Variants in GFM1 observed in about 807,000 individuals in gnomAD.
GFM1 encodes G elongation factor mitochondrial 1.
A neutral mutation model predicts 96.2 loss-of-function variants in GFM1; 62 were observed. The observed-to-expected ratio is 0.64, with a 90% confidence interval of 0.53 to 0.80. The LOEUF (loss-of-function observed/expected upper bound fraction) is 0.80. Ranked by LOEUF, GFM1 falls within the 30% of genes least tolerant of loss-of-function variation. The probability of loss-of-function intolerance (pLI) is 0.00; values close to 1 mark genes in which losing one functional copy is unlikely to be tolerated. For missense variants in GFM1, 852 were observed against 916.6 expected, an observed-to-expected ratio of 0.93 and a Z score of 0.91; for synonymous variants, 282 against 312.9, an observed-to-expected ratio of 0.90 and a Z score of 1.04.
In GFM1 at chr3:158,658,922, G is replaced by T; in HGVS notation, c.1084G>T (p.Val362Leu). ...PFVGLAFKLEVGRFGQLTYVR... is the reference protein window; with the variant it reads ...PFVGLAFKLELGRFGQLTYVR... ...GCCCTTACCCAATCTTGACTTCTAG[G>T]TAGGTCGATTTGGACAATTAACTTA... Residue 362 changes from valine (V) to leucine (L), a missense_variant and splice_region_variant, in exon 9 of 18, where the codon GTA becomes TTA. By Grantham distance (32) the Val-to-Leu change is conservative. Transcript: ENST00000486715. The T allele has an allele frequency of 6.2e-7, 1 of 1,614,066 alleles. No homozygotes were observed. Among genetic ancestry groups the T allele is most frequent in the Non-Finnish European group, 8.5e-7 (1 of 1,179,984 alleles).
chr3:158,688,155 A>AT (rs1446645447), intron 15 of GFM1, among the ~76,000 whole-genome samples: 1 of 152,194 alleles, frequency 6.6e-6, no homozygotes, highest in African/African-American at 2.4e-5. Flanking sequence ...TTTGAGCCTA[A>AT]TTTTAAATGT....
intron 15 of GFM1, among the ~76,000 whole-genome samples, chr3:158,686,729 T>G (rs1187907456): frequency 1.4e-5 from 2 of 138,542 alleles, no homozygotes; most frequent in African/African-American, 5.5e-5. Flanking sequence ...AGGTTTTTTT[T>G]TTTTTTTTTT....
chr3:158,661,706 TAAAGAA>T (rs535663188), intron 10 of GFM1, among the ~76,000 whole-genome samples: 131 of 152,228 alleles, frequency 8.6e-4, no homozygotes, highest in African/African-American at 2.9e-3. Flanking sequence ...ATGAATTCAG[TAAAGAA>T]AGAGTATGAT....
rs1184953103 is a variant in GFM1 at position 158,691,823 on chromosome 3, G to A, written c.*356G>A. On this transcript the variant is annotated 3_prime_UTR_variant, in exon 18 of 18. Transcript: ENST00000486715. ...CATTTCCAAATTTTGTATCATAAGA[G>A]TTTTCAACATAGAGAAAAGCTGAAA... 3 of 206,396 alleles carry A rather than the reference G, an allele frequency of 1.5e-5. No homozygotes were observed. The highest frequency in any genetic ancestry group is 7.4e-5 in the South Asian group (1 of 13,466). 12.8% of individuals were successfully genotyped at this position (206,396 alleles called of 1,614,324 possible). A position where few individuals can be genotyped will look rare whatever the true frequency, so the allele number is the denominator to read the frequency against.
intron 13 of GFM1, among the ~76,000 whole-genome samples, chr3:158,676,623 A>C (rs992348547): frequency 6.6e-6 from 1 of 152,114 alleles, no homozygotes; most frequent in Admixed American, 6.5e-5. Flanking sequence ...TGTGTTTCAC[A>C]GATAGTATGT....
At position 158,664,603 on chromosome 3, in the gene GFM1, A is replaced by T. The variant is rs183514237; in HGVS notation, c.1381-734A>T. Among the ~76,000 whole-genome samples the T allele has an allele frequency of 2.0e-3, 298 of 152,198 alleles. 5 individuals carry two copies. The highest frequency in any genetic ancestry group is 0.019 in the Admixed American group (284 of 15,268). On this transcript the variant is annotated intron_variant, in intron 11 of 17. Transcript: ENST00000486715. ...CTCCTGCCACTTCTTCCTTCATGGA[A>T]TCCCTCTGACCCCCCCTTCTAGCTT... is the stretch of plus-strand genomic sequence containing the variant.
chr3:158,645,351 G>A (rs1721684849), intron 1 of GFM1, among the ~76,000 whole-genome samples: 1 of 152,146 alleles, frequency 6.6e-6, no homozygotes, highest in Admixed American at 6.6e-5. Flanking sequence ...GCCCCAGTGT[G>A]TATTTTCAAA....
At chr3:158,666,748 C>G in intron 13 of GFM1, 1 of 1,609,796 alleles carries the variant, frequency 6.2e-7, no homozygotes, top group Non-Finnish European at 8.5e-7. Context: ...TAATCTCCTG[C>G]AAGTGAAGAA....
chr3:158,684,973 A>T, intron 15 of GFM1: 1 of 257,590 alleles, frequency 3.9e-6, no homozygotes. Flanking sequence ...GAATTCTAGG[A>T]AATTTTTAAA....
At chr3:158,683,213 C>T (rs1428449837) in intron 14 of GFM1, among the ~76,000 whole-genome samples, 1 of 152,140 alleles carries the variant, frequency 6.6e-6, no homozygotes, top group Non-Finnish European at 1.5e-5. Context: ...GTGATTCACA[C>T]ACTTTAAATT....
Position 158,693,651 on chromosome 3 carries a change from G to A in GFM1, c.*2184G>A, listed in dbSNP as rs1393558079. 6.6e-6 allele frequency: 1 copy of A among 152,178 alleles called. No individual in the cohort carries two copies. The highest frequency in any genetic ancestry group is 1.5e-5 in the Non-Finnish European group (1 of 68,034). The allele number at this position is 152,178 out of a possible 1,614,324, so 9.4% of individuals were successfully genotyped here. On this transcript the variant is annotated 3_prime_UTR_variant, in exon 18 of 18. Coordinates refer to ENST00000486715, the MANE Select transcript of GFM1 (RefSeq NM_024996.7). ...ATGAGAATATTCATAGGTGAGGGTT[G>A]TTTATACTACTATCAAGAAGGATAA...
chr3:158,669,470 C>T, intron 13 of GFM1: 1 of 1,613,866 alleles, frequency 6.2e-7, no homozygotes, highest in Non-Finnish European at 8.5e-7. Flanking sequence ...CCTTCATGGA[C>T]TTAAGTCTTT....
rs151007952 is a variant in GFM1 at position 158,659,020 on chromosome 3, G to T, written c.1182G>T (p.Arg394=). 1 of 1,614,066 alleles carries T rather than the reference G, an allele frequency of 6.2e-7. No homozygotes were observed. The highest frequency in any genetic ancestry group is 1.3e-5 in the African/African-American group (1 of 74,922). The stretch of plus-strand genomic sequence containing the variant: ...ACACAAGGACAAGAAAGAAAGTACG[G>T]TTGCAACGGCTGGCTCGCATGCATG... ...IYNTRTRKKV[R]LQRLARMHAD... is the part of the protein sequence containing the mutation. The change falls in exon 9 of 18, where the codon CGG becomes CGT. Residue 394 remains arginine (R), a synonymous_variant. Coordinates refer to ENST00000486715, the MANE Select transcript of GFM1 (RefSeq NM_024996.7).
chr3:158,683,766 G>A (rs943278623), intron 14 of GFM1, among the ~76,000 whole-genome samples: 2 of 152,186 alleles, frequency 1.3e-5, no homozygotes, highest in African/African-American at 4.8e-5. Flanking sequence ...ATTGAGTTGA[G>A]TTGAGTAATT....
At chr3:158,649,762 T>C (rs1416400040) in intron 5 of GFM1, 4 of 477,216 alleles carry the variant, frequency 8.4e-6, no homozygotes, top group South Asian at 3.8e-5. Context: ...AACCTTAGCG[T>C]TGTTCATAAC....
At chr3:158,645,863 CCTG>C in intron 2 of GFM1, 82 bp downstream of exon 2, 1 of 1,281,638 alleles carries the variant, frequency 7.8e-7, no homozygotes, top group Non-Finnish European at 1.1e-6. Flanking sequence ...AGCTTATAAA[CCTG>C]AAAGATTAAA....
At chr3:158,674,368 T>G (rs1198728648) in intron 13 of GFM1, among the ~76,000 whole-genome samples, 1 of 152,110 alleles carries the variant, frequency 6.6e-6, no homozygotes, top group Non-Finnish European at 1.5e-5. Flanking sequence ...CTCTCCACGT[T>G]TCTTAGTTCA....
intron 13 of GFM1, among the ~76,000 whole-genome samples, chr3:158,676,266 C>G (rs1724887113): frequency 6.6e-6 from 1 of 151,410 alleles, no homozygotes; most frequent in African/African-American, 2.4e-5. Context: ...GACCCTGTCT[C>G]AAAAAAAAAT....
At chr3:158,662,805 G>C (rs967124258) in intron 11 of GFM1, 121 bp downstream of exon 11, 2 of 729,938 alleles carry the variant, frequency 2.7e-6, no homozygotes, top group Non-Finnish European at 5.0e-6. Context: ...TATTTCCTCT[G>C]TTGGTATTGA....
Sources: gnomAD v4.1 joint callset for allele counts (sites outside exome capture counted in the v4.1 genomes callset) on GRCh38, gnomAD v4.1.1 for gene constraint, MANE v1.5 for transcripts, NCBI Gene and HGNC (gene_info 2026-07-23, HGNC 2026-07-21) for gene names.